Variants in NEGR1 observed in about 807,000 individuals in gnomAD.
NEGR1 encodes IgLON family member 4.
In NEGR1, 10 loss-of-function variants were observed where a neutral mutation model predicts 40.9. The ratio of observed to expected loss-of-function variants is 0.24; its 90% CI spans 0.15 to 0.42. The LOEUF (loss-of-function observed/expected upper bound fraction) is 0.42. Ranked by LOEUF, NEGR1 falls within the 10% of genes least tolerant of loss-of-function variation. NEGR1 has a pLI of 1.00. For missense variants in NEGR1, 352 were observed against 438.9 expected, an observed-to-expected ratio of 0.80 and a Z score of 1.77; for synonymous variants, 185 against 166.8, an observed-to-expected ratio of 1.11 and a Z score of -0.84.
chr1:72,107,290 A>G (rs893587892), intron 1 of NEGR1, among the ~76,000 whole-genome samples: 4 of 151,706 alleles, frequency 2.6e-5, no homozygotes, highest in African/African-American at 9.7e-5. Flanking sequence ...GGTAAGTCCT[A>G]TTTATACCGT....
At chr1:72,212,376 T>C (rs900872872) in intron 1 of NEGR1, among the ~76,000 whole-genome samples, 3 of 152,056 alleles carry the variant, frequency 2.0e-5, no homozygotes. Context: ...TGGTTAAGCG[T>C]TATCCTGAAA....
intron 1 of NEGR1, among the ~76,000 whole-genome samples, chr1:72,241,390 G>A (rs1472501161): frequency 1.3e-5 from 2 of 151,390 alleles, no homozygotes; most frequent in Non-Finnish European, 3.0e-5. Flanking sequence ...GTTTTAATTA[G>A]TTAATTCTCT....
At chr1:72,001,110 A>C (rs981072313) in intron 1 of NEGR1, among the ~76,000 whole-genome samples, 1 of 152,144 alleles carries the variant, frequency 6.6e-6, no homozygotes, top group Non-Finnish European at 1.5e-5. Context: ...AGGACAGGGT[A>C]CAGTTACCAG....
intron 2 of NEGR1, among the ~76,000 whole-genome samples, chr1:71,824,672 GTCTC>G (rs1658554038): frequency 6.6e-6 from 1 of 151,872 alleles, no homozygotes; most frequent in African/African-American, 2.4e-5. Context: ...TTTCTAGTCA[GTCTC>G]TGTTCCTCTC....
intron 6 of NEGR1, among the ~76,000 whole-genome samples, chr1:71,547,140 GT>G (rs910869802): frequency 6.6e-6 from 1 of 151,672 alleles, no homozygotes; most frequent in Non-Finnish European, 1.5e-5. Flanking sequence ...AAGTTTTGAT[GT>G]TTTTGTTTCC....
Position 72,115,369 on chromosome 1 carries a change from C to A in NEGR1, c.176+166950G>T, listed in dbSNP as rs184565970. ...TAGCTTTTATACTGGTGTTCAATAG[C>A]AAGTTTTAAGTTTATTAGTGTTATA... On this transcript the variant is annotated intron_variant, in intron 1 of 6. Transcript: ENST00000357731. Among the ~76,000 whole-genome samples, 6 of 151,694 alleles carry A rather than the reference C, an allele frequency of 4.0e-5. No individual in the cohort carries two copies. In the East Asian group the frequency reaches 1.2e-3, roughly 30 times the overall value.
chr1:72,052,404 A>T (rs1382952765), intron 1 of NEGR1, among the ~76,000 whole-genome samples: 1 of 151,544 alleles, frequency 6.6e-6, no homozygotes, highest in African/African-American at 2.4e-5. Context: ...TGCTCACATG[A>T]ATTTAAATGA....
chr1:72,166,494 C>T (rs1388112987), intron 1 of NEGR1, among the ~76,000 whole-genome samples: 2 of 152,094 alleles, frequency 1.3e-5, no homozygotes, highest in East Asian at 1.9e-4. Context: ...TTCATTGCTG[C>T]GCTATTCACA....
At chr1:72,232,227 C>T (rs959520688) in intron 1 of NEGR1, among the ~76,000 whole-genome samples, 10 of 151,768 alleles carry the variant, frequency 6.6e-5, no homozygotes, top group Non-Finnish European at 1.2e-4. Flanking sequence ...CGTGGTGGTG[C>T]GTGCCTGTAA....
chr1:71,441,041 T>G (rs1012351915), intron 6 of NEGR1, among the ~76,000 whole-genome samples: 3 of 152,212 alleles, frequency 2.0e-5, no homozygotes, highest in Non-Finnish European at 4.4e-5. Context: ...GTGAGGCTTT[T>G]GGTAGTGATA....
intron 1 of NEGR1, among the ~76,000 whole-genome samples, chr1:72,136,567 T>C (rs773539099): frequency 1.4e-4 from 20 of 142,908 alleles, no homozygotes; most frequent in Non-Finnish European, 2.9e-4. Context: ...CCAGACTTTA[T>C]AAAGCTATTA....
intron 6 of NEGR1, among the ~76,000 whole-genome samples, chr1:71,559,304 TAC>T (rs369890048): frequency 8.2e-4 from 125 of 151,582 alleles, no homozygotes; most frequent in African/African-American, 2.4e-3. Context: ...CCAATTATGA[TAC>T]AGTTATTTTT....
At chr1:72,151,370 GT>G (rs1409775397) in intron 1 of NEGR1, among the ~76,000 whole-genome samples, 5 of 151,474 alleles carry the variant, frequency 3.3e-5, no homozygotes, top group Admixed American at 2.6e-4. Flanking sequence ...GAGATATAAT[GT>G]TTTTTGTTTT....
intron 6 of NEGR1, among the ~76,000 whole-genome samples, chr1:71,430,936 T>C (rs553281516): frequency 6.6e-6 from 1 of 152,008 alleles, no homozygotes; most frequent in African/African-American, 2.4e-5. Flanking sequence ...ATTTTTTGTA[T>C]TTTTAGTAGA....
At chr1:71,540,190 A>G (rs1234244824) in intron 6 of NEGR1, among the ~76,000 whole-genome samples, 1 of 151,800 alleles carries the variant, frequency 6.6e-6, no homozygotes, top group Non-Finnish European at 1.5e-5. Flanking sequence ...ATTTTCTTCC[A>G]TTATCACAGA....
Position 71,992,685 on chromosome 1 carries a change from C to G in NEGR1, c.177-57374G>C, listed in dbSNP as rs113396707. 3.4e-3 allele frequency among the ~76,000 whole-genome samples: 419 copies of G among 124,028 alleles called. 2 individuals are homozygous for G. The highest frequency in any genetic ancestry group is 0.012 in the African/African-American group (405 of 33,830). 81.4% of individuals were successfully genotyped at this position (124,028 alleles called of 152,430 possible). ...TCAGAACAGCTACACTAAAAGTGTT[C>G]AGTAGCCACACACAGCTAGTACCTT... On this transcript the variant is annotated intron_variant, in intron 1 of 6. Transcript: ENST00000357731.
intron 1 of NEGR1, among the ~76,000 whole-genome samples, chr1:72,073,325 G>A (rs1002429323): frequency 1.3e-5 from 2 of 152,086 alleles, no homozygotes; most frequent in African/African-American, 4.8e-5. Context: ...AGAACTCCTA[G>A]GAGTTAGAGG....
chr1:71,486,017 A>C (rs1646885625), intron 6 of NEGR1, among the ~76,000 whole-genome samples: 1 of 151,660 alleles, frequency 6.6e-6, no homozygotes. Flanking sequence ...TGTCTTCCAA[A>C]GTGGCTGTAC....
chr1:72,001,511 C>T (rs144281117), intron 1 of NEGR1, among the ~76,000 whole-genome samples: 15 of 151,584 alleles, frequency 9.9e-5, no homozygotes, highest in African/African-American at 2.4e-4. Context: ...GACCTATAAT[C>T]ATAAGATCCT....
Sources: allele counts gnomAD v4.1 joint callset (sites outside exome capture counted in the v4.1 genomes callset), GRCh38; gene constraint gnomAD v4.1.1; transcripts MANE v1.5; gene names NCBI Gene and HGNC (gene_info 2026-07-23, HGNC 2026-07-21).